Variants in DTNBP1 observed in about 807,000 individuals in gnomAD.
DTNBP1 encodes dystrobrevin binding protein 1.
DTNBP1 carries 35 observed loss-of-function variants against 42.8 expected under a neutral mutation model. The observed-to-expected ratio is 0.82, with a 90% CI of 0.63 to 1.09. DTNBP1 has a LOEUF of 1.09. DTNBP1 is among the 50% of genes least tolerant of loss of function. The probability of loss-of-function intolerance (pLI) is 0.00; values close to 1 mark genes in which losing one functional copy is unlikely to be tolerated. For synonymous variants in DTNBP1, 171 were observed against 162.2 expected (o/e 1.05, Z -0.41); for missense variants, 457 against 424.2 (o/e 1.08, Z -0.68).
Position 15,613,356 on chromosome 6 carries a change from C to A in DTNBP1, c.488+1911G>T. Among the ~76,000 whole-genome samples the A allele has an allele frequency of 1.0e-4, 2 of 19,696 alleles. 1 individual carries two copies. Among genetic ancestry groups the A allele is most frequent in the East Asian group, 5.8e-3 (2 of 344 alleles). The allele number at this position is 19,696 out of a possible 152,430, so 12.9% of individuals were successfully genotyped here. On this transcript the variant is annotated intron_variant, in intron 6 of 9. Transcript: ENST00000344537. ...AATGCCCCTTTTTTGACACGGACCCCATTTTTTTTTTTTTTTTTTTTTTTT... is the reference window on the plus strand; with the variant it reads ...AATGCCCCTTTTTTGACACGGACCCAATTTTTTTTTTTTTTTTTTTTTTTT...
Position 15,660,288 on chromosome 6 carries a change from T to G in DTNBP1, c.56+2526A>C, listed in dbSNP as rs1334406197. 3.3e-6 allele frequency: 4 copies of G among 1,214,598 alleles called. No individual in the cohort carries two copies. The African/African-American group carries it at 6.2e-5, about 19-fold the overall frequency. 75.2% of individuals were successfully genotyped at this position (1,214,598 alleles called of 1,614,324 possible). On this transcript the variant is annotated intron_variant, in intron 1 of 9. Coordinates refer to ENST00000344537, the MANE Select transcript of DTNBP1 (RefSeq NM_032122.5). ...CTGTGTTTAGCGTCATCTTTTCTCC[T>G]CAAGGCAAAAATAATCAGTTATGTA...
chr6:15,637,816 CA>C lies in DTNBP1; in HGVS notation c.162-13del. ...ATGTATCCTCATACCTAAAAAAAAG[CA>C]AAAAATAATTTGAAATGCAAACCAC... On this transcript the variant is annotated splice_polypyrimidine_tract_variant and intron_variant, in intron 3 of 9. Coordinates refer to ENST00000344537, the MANE Select transcript of DTNBP1 (RefSeq NM_032122.5). 1 of 1,610,540 alleles carries C rather than the reference CA, an allele frequency of 6.2e-7. No individual in the cohort carries two copies.
At chr6:15,586,389 T>C (rs1052190609) in intron 7 of DTNBP1, among the ~76,000 whole-genome samples, 2 of 152,102 alleles carry the variant, frequency 1.3e-5, no homozygotes, top group Admixed American at 6.5e-5. Flanking sequence ...TTTTTGAAAA[T>C]AGTATGGTCT....
At chr6:15,533,477 C>T in intron 7 of DTNBP1, 82 bp from the exon 8 acceptor site, 1 of 1,594,088 alleles carries the variant, frequency 6.3e-7, no homozygotes, top group Admixed American at 1.7e-5. Context: ...TCGCATCCAC[C>T]CTCCAAGTGG....
intron 7 of DTNBP1, among the ~76,000 whole-genome samples, chr6:15,538,593 C>G (rs1264464620): frequency 1.3e-5 from 2 of 152,224 alleles, no homozygotes; most frequent in East Asian, 3.8e-4. Flanking sequence ...TTGTGGTTAT[C>G]TATTACACAG....
intron 7 of DTNBP1, among the ~76,000 whole-genome samples, chr6:15,586,731 T>C (rs1175771991): frequency 2.0e-5 from 3 of 152,128 alleles, no homozygotes; most frequent in South Asian, 2.1e-4. Context: ...TGCCATCTGG[T>C]TTCTACCCCC....
At chr6:15,614,875 AG>A (rs951893724) in intron 6 of DTNBP1, among the ~76,000 whole-genome samples, 15 of 152,330 alleles carry the variant, frequency 9.8e-5, no homozygotes, top group African/African-American at 3.6e-4. Flanking sequence ...GAAGCCCTCC[AG>A]CCCCTTTCCA....
At chr6:15,574,244 A>C (rs948755199) in intron 7 of DTNBP1, among the ~76,000 whole-genome samples, 1 of 152,342 alleles carries the variant, frequency 6.6e-6, no homozygotes, top group South Asian at 2.1e-4. Context: ...AAAGTGGTAC[A>C]ACAGCTGCTA....
chr6:15,643,020 C>T (rs1465783023), intron 3 of DTNBP1, among the ~76,000 whole-genome samples: 1 of 152,128 alleles, frequency 6.6e-6, no homozygotes, highest in Non-Finnish European at 1.5e-5. Flanking sequence ...TGCAACTAAA[C>T]TCAACAAGAT....
chr6:15,524,416 CTTGGGGGTTT>C (rs768265472), intron 9 of DTNBP1, 100 bp downstream of exon 9: 1 of 1,614,158 alleles, frequency 6.2e-7, no homozygotes, highest in Admixed American at 1.7e-5. Context: ...TGGCTGTGAG[CTTGGGGGTTT>C]ATGCGTAAGT....
intron 7 of DTNBP1, among the ~76,000 whole-genome samples, chr6:15,575,615 T>C (rs1014959684): frequency 9.8e-5 from 15 of 152,338 alleles, no homozygotes; most frequent in African/African-American, 3.6e-4. Flanking sequence ...CAAAACAGCT[T>C]TCAGTGTGAC....
At chr6:15,576,986 T>C (rs142029180) in intron 7 of DTNBP1, among the ~76,000 whole-genome samples, 8 of 152,280 alleles carry the variant, frequency 5.3e-5, no homozygotes, top group African/African-American at 1.9e-4. Flanking sequence ...TAGGTTTACA[T>C]TTTAGACAAA....
At chr6:15,563,031 A>C (rs1314827710) in intron 7 of DTNBP1, among the ~76,000 whole-genome samples, 1 of 152,192 alleles carries the variant, frequency 6.6e-6, no homozygotes, top group Non-Finnish European at 1.5e-5. Flanking sequence ...AATGAGTTTC[A>C]CTGAGAACCA....
Position 15,627,464 on chromosome 6 carries a change from G to A in DTNBP1, c.234C>T (p.Ser78=), listed in dbSNP as rs190232960. 1,474 of 1,613,790 alleles carry A rather than the reference G, an allele frequency of 9.1e-4. 13 individuals are homozygous for A. The highest frequency in any genetic ancestry group is 8.5e-5 in the Non-Finnish European group (100 of 1,179,916). ...DCASAGELVD[S]EVVMLSAHWE... is the part of the protein sequence containing the mutation. Reference sequence around the variant, plus strand: ...AGTGCGCAGAAAGCATGACCACCTCGCTATCCACCAGCTGCAGCACACAAG... The same window carrying A: ...AGTGCGCAGAAAGCATGACCACCTCACTATCCACCAGCTGCAGCACACAAG... The change falls in exon 5 of 10, where the codon AGC becomes AGT. Residue 78 remains serine (S), a synonymous_variant. Coordinates refer to ENST00000344537, the MANE Select transcript of DTNBP1 (RefSeq NM_032122.5).
At chr6:15,644,039 C>G (rs771306222) in intron 3 of DTNBP1, among the ~76,000 whole-genome samples, 47 of 151,986 alleles carry the variant, frequency 3.1e-4, no homozygotes, top group Non-Finnish European at 5.6e-4. Flanking sequence ...CTTCAAGAGA[C>G]CTATCTCACA....
Position 15,587,315 on chromosome 6 carries a change from A to G in DTNBP1, c.511+5744T>C, listed in dbSNP as rs116702996. On this transcript the variant is annotated intron_variant, in intron 7 of 9. Transcript: ENST00000344537. This position sits in a 1 kb window ranked among gnomAD's most constrained non-coding sequence, Gnocchi z 4.1. ...AAGACTCACTATCATTAAGATGACA[A>G]TTTTCCCCAAATTGATCTATACATG... Among the ~76,000 whole-genome samples, 505 of 152,196 alleles carry G rather than the reference A, an allele frequency of 3.3e-3. 1 individual carries two copies. Among genetic ancestry groups the G allele is most frequent in the Non-Finnish European group, 5.3e-3 (358 of 68,000 alleles).
chr6:15,533,220 C>A lies in DTNBP1; in HGVS notation c.667+20G>T, dbSNP rs774323219. 2 of 1,612,682 alleles carry A rather than the reference C, an allele frequency of 1.2e-6. No individual in the cohort carries two copies. The highest frequency in any genetic ancestry group is 1.7e-6 in the Non-Finnish European group (2 of 1,179,950). ...CACAGCCGGTGAGTCCCCACACCAGCAGCCCCAGCCCCCACTCGCCTCGCC... is the reference window on the plus strand; with the variant it reads ...CACAGCCGGTGAGTCCCCACACCAGAAGCCCCAGCCCCCACTCGCCTCGCC... On this transcript the variant is annotated intron_variant, in intron 8 of 9. Transcript: ENST00000344537.
intron 4 of DTNBP1, among the ~76,000 whole-genome samples, chr6:15,635,919 T>G (rs977087161): frequency 2.0e-5 from 3 of 152,232 alleles, no homozygotes; most frequent in South Asian, 4.1e-4. Flanking sequence ...TATATATAAC[T>G]ATTTAACAGT....
chr6:15,659,043 C>T (rs1421018808), intron 1 of DTNBP1, among the ~76,000 whole-genome samples: 1 of 151,950 alleles, frequency 6.6e-6, no homozygotes, highest in Non-Finnish European at 1.5e-5. Flanking sequence ...ACCTAGAGCT[C>T]CCCCCAAACC....
Sources: allele counts gnomAD v4.1 joint callset (sites outside exome capture counted in the v4.1 genomes callset), GRCh38; gene constraint gnomAD v4.1.1; non-coding constraint Gnocchi (gnomAD v3.1); transcripts MANE v1.5; gene names NCBI Gene and HGNC (gene_info 2026-07-23, HGNC 2026-07-21).